The following CTNNA2 variants were observed in gnomAD, a reference collection of about 807,000 sequenced individuals.
CTNNA2 encodes catenin alpha 2.
In CTNNA2, 42 loss-of-function variants were observed where a neutral mutation model predicts 101.0. The observed-to-expected ratio is 0.42, with a 90% CI of 0.32 to 0.54. CTNNA2 has a LOEUF of 0.54. CTNNA2 is among the 20% of genes least tolerant of loss of function. CTNNA2 has a pLI of 0.14. For missense variants in CTNNA2, 871 were observed against 1,223.1 expected (o/e 0.71, Z 4.29); for synonymous variants, 450 against 456.4 (o/e 0.99, Z 0.18).
At chr2:80,154,092 G>A (rs1183146711) in intron 7 of CTNNA2, among the ~76,000 whole-genome samples, 1 of 152,126 alleles carries the variant, frequency 6.6e-6, no homozygotes, top group Admixed American at 6.5e-5. Context: ...TACAACATTA[G>A]TACTTTATAA....
intron 1 of CTNNA2, among the ~76,000 whole-genome samples, chr2:79,575,781 A>G (rs1675756743): frequency 2.0e-5 from 3 of 152,206 alleles, no homozygotes; most frequent in Non-Finnish European, 4.4e-5. Flanking sequence ...ATATTAACCA[A>G]TGGAAAGAGC....
intron 7 of CTNNA2, among the ~76,000 whole-genome samples, chr2:80,361,064 G>T (rs2149316891): frequency 6.6e-6 from 1 of 151,896 alleles, no homozygotes; most frequent in African/African-American, 2.4e-5. Flanking sequence ...CTCCCAGCTG[G>T]CCTTCATTGC....
intron 9 of CTNNA2, among the ~76,000 whole-genome samples, chr2:80,485,955 AT>A (rs968586231): frequency 4.8e-4 from 71 of 148,162 alleles, no homozygotes; most frequent in African/African-American, 1.0e-3. Flanking sequence ...ATTTCACCAT[AT>A]TTTTTTTTTG....
At chr2:80,094,471 A>G (rs1485801185) in intron 7 of CTNNA2, among the ~76,000 whole-genome samples, 4 of 152,134 alleles carry the variant, frequency 2.6e-5, no homozygotes. Flanking sequence ...TTGGCTTAGG[A>G]TTGACTTGGC....
Position 79,479,946 on chromosome 2 carries a change from A to T in CTNNA2, c.-134-25108A>T, listed in dbSNP as rs898374460. 5.3e-5 allele frequency among the ~76,000 whole-genome samples: 8 copies of T among 151,910 alleles called. No homozygotes were observed. The South Asian group carries it at 1.2e-3, about 24-fold the overall frequency. ...TCAAAAAAAAAAGAAGGAATAACTG[A>T]GGCTGGATAATTTTCAAAGAAAAGA... On this transcript the variant is annotated intron_variant, in intron 4 of 21. Coordinates refer to the CTNNA2 transcript ENST00000466387.
At chr2:79,300,476 A>G (rs1164264853) in intron 2 of CTNNA2, among the ~76,000 whole-genome samples, 1 of 152,172 alleles carries the variant, frequency 6.6e-6, no homozygotes, top group African/African-American at 2.4e-5. Context: ...TTCTCTCTCC[A>G]ATGGGGAAGG....
chr2:80,465,348 A>C (rs1161621026), intron 9 of CTNNA2, among the ~76,000 whole-genome samples: 1 of 152,218 alleles, frequency 6.6e-6, no homozygotes, highest in African/African-American at 2.4e-5. Context: ...CCATTGTCCA[A>C]GCTTAATGAC....
chr2:79,251,646 A>T (rs1674772071), intron 2 of CTNNA2, among the ~76,000 whole-genome samples: 2 of 152,106 alleles, frequency 1.3e-5, no homozygotes, highest in African/African-American at 2.4e-5. Context: ...TCAGAGGCCC[A>T]CATGGTAAAG....
intron 18 of CTNNA2, among the ~76,000 whole-genome samples, chr2:80,624,828 TGAC>T (rs979111669): frequency 4.0e-5 from 6 of 151,874 alleles, no homozygotes; most frequent in African/African-American, 1.4e-4. Context: ...AAACTAAGGT[TGAC>T]GACCTAAGGA....
intron 1 of CTNNA2, among the ~76,000 whole-genome samples, chr2:79,641,649 C>T (rs1680455902): frequency 6.6e-6 from 1 of 152,158 alleles, no homozygotes; most frequent in Non-Finnish European, 1.5e-5. Flanking sequence ...GTAAGCACTA[C>T]TTACCTGAAT....
chr2:79,420,709 A>G (rs1399487327), intron 4 of CTNNA2, among the ~76,000 whole-genome samples: 1 of 152,182 alleles, frequency 6.6e-6, no homozygotes, highest in African/African-American at 2.4e-5. Context: ...TGTGTTAATA[A>G]AGTAAAGCCC....
chr2:80,385,718 GTCTT>G (rs1676935898), intron 7 of CTNNA2, among the ~76,000 whole-genome samples: 1 of 151,562 alleles, frequency 6.6e-6, no homozygotes. Flanking sequence ...CTGTCTCTCT[GTCTT>G]TCTCCGTCTT....
At chr2:79,867,107 T>G (rs755003210) in intron 4 of CTNNA2, among the ~76,000 whole-genome samples, 5 of 152,136 alleles carry the variant, frequency 3.3e-5, no homozygotes, top group Non-Finnish European at 7.3e-5. Flanking sequence ...CAACTCGCAG[T>G]CCTGAACTCC....
At chr2:80,304,133 TA>T (rs1558986529) in intron 7 of CTNNA2, 1 of 285,792 alleles carries the variant, frequency 3.5e-6, no homozygotes, top group African/African-American at 2.2e-5. Flanking sequence ...AGAATTTAAT[TA>T]AAAAGTGTCT....
chr2:79,847,820 G>A (rs148381849), intron 3 of CTNNA2, among the ~76,000 whole-genome samples: 15 of 152,240 alleles, frequency 9.9e-5, no homozygotes, highest in East Asian at 7.7e-4. Flanking sequence ...GAATGCTGCC[G>A]TCTCTTTGAT....
At chr2:79,325,645 G>A (rs1366225979) in intron 3 of CTNNA2, among the ~76,000 whole-genome samples, 2 of 152,186 alleles carry the variant, frequency 1.3e-5, no homozygotes, top group Admixed American at 1.3e-4. Flanking sequence ...TCTGTGGCCA[G>A]GTCACTGTGG....
intron 4 of CTNNA2, among the ~76,000 whole-genome samples, chr2:79,411,572 G>A (rs1487556125): frequency 6.6e-6 from 1 of 152,092 alleles, no homozygotes; most frequent in Non-Finnish European, 1.5e-5. Flanking sequence ...CAAACCAGAA[G>A]AGAGTGGGGG....
chr2:79,547,368 G>C (rs1168806323), intron 1 of CTNNA2: 1 of 152,014 alleles, frequency 6.6e-6, no homozygotes, highest in African/African-American at 2.4e-5. Flanking sequence ...TATTCTTTTG[G>C]ATGAAGACTT....
rs182289148 is a variant in CTNNA2, at chr2:80,212,769, A to C, written c.1057-180442A>C. ...GGCAGGATTCCCTCTTTTTCTATTG[A>C]TTGGAATAGTTTCAGAAGGTACAAG... is the stretch of plus-strand genomic sequence containing the variant. On this transcript the variant is annotated intron_variant, in intron 7 of 18. Coordinates refer to ENST00000402739, the MANE Select transcript of CTNNA2 (RefSeq NM_001282597.3). Among the ~76,000 whole-genome samples the C allele has an allele frequency of 5.5e-4, 84 of 152,144 alleles. No individual in the cohort carries two copies. In the East Asian group the frequency reaches 0.012, roughly 21 times the overall value.
Sources: gnomAD v4.1 joint callset for allele counts (sites outside exome capture counted in the v4.1 genomes callset) on GRCh38, gnomAD v4.1.1 for gene constraint, MANE v1.5 for transcripts, NCBI Gene and HGNC (gene_info 2026-07-23, HGNC 2026-07-21) for gene names.